The following PAGE2B variants were observed in gnomAD, a reference collection of about 807,000 sequenced individuals.
PAGE2B encodes the protein PAGE family member 2B, also known as putative G antigen family E member 3.
In PAGE2B, 5 loss-of-function variants were observed where a neutral mutation model predicts 7.6. The observed-to-expected ratio is 0.66, with a 90% CI of 0.34 to 1.38. PAGE2B has a LOEUF of 1.38. Ranked by LOEUF, PAGE2B falls within the 40% of genes most tolerant of loss-of-function variation. The pLI, the probability that PAGE2B is intolerant of heterozygous loss-of-function variation, is 0.04. For missense variants in PAGE2B, 70 were observed against 78.4 expected (o/e 0.89, Z 0.41); for synonymous variants, 29 against 26.7 (o/e 1.09, Z -0.27).
chrX:55,060,793 G>T, the PAGE2B span, among the ~76,000 whole-genome samples: 13 of 109,191 alleles, frequency 1.2e-4, no homozygotes, highest in South Asian at 3.1e-3. Flanking sequence ...TTGATCTCTG[G>T]TTTTTTTTGT....
chrX:55,057,141 CTG>C, the PAGE2B span, among the ~76,000 whole-genome samples: 1 of 110,949 alleles, frequency 9.0e-6, no homozygotes, highest in Non-Finnish European at 1.9e-5. Flanking sequence ...GAGAAATAGA[CTG>C]TGGTGGGAAA....
chrX:55,065,412 C>A, the PAGE2B span, among the ~76,000 whole-genome samples: 1 of 111,625 alleles, frequency 9.0e-6, no homozygotes, highest in South Asian at 3.7e-4. Flanking sequence ...TATCTTTTCC[C>A]ATCCCATTAT....
chrX:55,049,039 C>A, the PAGE2B span, among the ~76,000 whole-genome samples: 2 of 111,688 alleles, frequency 1.8e-5, no homozygotes, highest in African/African-American at 3.3e-5. Flanking sequence ...TTGTCAAAGG[C>A]CTTTGCTGCA....
chrX:55,044,737 T>C, the PAGE2B span: 2 of 112,134 alleles, frequency 1.8e-5, no homozygotes, highest in East Asian at 5.6e-4. Context: ...CTACAATGAC[T>C]TCTGTCATGA....
the PAGE2B span, chrX:55,031,148 T>C: frequency 4.0e-6 from 1 of 250,730 alleles, no homozygotes; most frequent in Non-Finnish European, 7.6e-6. Flanking sequence ...CTCCCCCAGC[T>C]CTGGCTCTTC....
chrX:55,040,791 A>T, the PAGE2B span, among the ~76,000 whole-genome samples: 1 of 111,713 alleles, frequency 9.0e-6, no homozygotes, highest in South Asian at 3.7e-4. Flanking sequence ...ATATTTAAAT[A>T]TGGTAAATTT....
chrX:55,041,836 C>T, the PAGE2B span, among the ~76,000 whole-genome samples: 1 of 111,660 alleles, frequency 9.0e-6, no homozygotes, highest in Non-Finnish European at 1.9e-5. Flanking sequence ...ACAACCATGG[C>T]CCTGGAGGAG....
the PAGE2B span, among the ~76,000 whole-genome samples, chrX:55,066,196 T>C: frequency 1.8e-5 from 2 of 112,144 alleles, no homozygotes; most frequent in African/African-American, 3.2e-5. Context: ...ATTCAAGCAA[T>C]TGTCCTGCCT....
chrX:55,071,019 T>A (rs756780745), upstream of PAGE2B, among the ~76,000 whole-genome samples: 278 of 112,285 alleles, frequency 2.5e-3, 3 homozygotes, highest in Non-Finnish European at 5.3e-4. Context: ...AATTGTGGCA[T>A]TTAGCCCATT....
chrX:55,045,918 G>A, the PAGE2B span, among the ~76,000 whole-genome samples: 1 of 111,116 alleles, frequency 9.0e-6, no homozygotes, highest in Admixed American at 9.7e-5. Context: ...GGTTACTGGG[G>A]ATACAAAGAA....
chrX:55,059,196 T>C, the PAGE2B span, among the ~76,000 whole-genome samples: 1 of 111,719 alleles, frequency 9.0e-6, no homozygotes, highest in South Asian at 3.8e-4. Flanking sequence ...TCGAGGTATA[T>C]ATAGGCTTAG....
chrX:55,056,446 A>G, the PAGE2B span, among the ~76,000 whole-genome samples: 3 of 111,181 alleles, frequency 2.7e-5, no homozygotes, highest in Non-Finnish European at 5.7e-5. Context: ...TCTTGAGGCA[A>G]GCCAGATAGT....
chrX:55,033,483 G>A, the PAGE2B span, among the ~76,000 whole-genome samples: 2 of 111,567 alleles, frequency 1.8e-5, no homozygotes, highest in Non-Finnish European at 3.8e-5. Context: ...TTTTTATGAG[G>A]CAATGTAGTC....
the PAGE2B span, among the ~76,000 whole-genome samples, chrX:55,037,387 A>G: frequency 2.7e-5 from 3 of 111,469 alleles, no homozygotes; most frequent in Admixed American, 2.9e-4. Flanking sequence ...GCAATCATTA[A>G]AAAGTCAGGA....
At chrX:55,056,095 C>T in the PAGE2B span, among the ~76,000 whole-genome samples, 2 of 111,230 alleles carry the variant, frequency 1.8e-5, no homozygotes, top group African/African-American at 3.3e-5. Flanking sequence ...AGAGACACCT[C>T]GATCATTTGG....
the PAGE2B span, among the ~76,000 whole-genome samples, chrX:55,057,780 A>G: frequency 1.8e-5 from 2 of 111,915 alleles, no homozygotes; most frequent in Non-Finnish European, 3.8e-5. Flanking sequence ...TTTTGGGTCC[A>G]GTATCAAAGA....
chrX:55,076,054 G>T lies in PAGE2B; in HGVS notation c.13G>T (p.Val5Leu). The T allele has an allele frequency of 1.3e-5, 16 of 1,209,382 alleles. No homozygotes were observed. Among genetic ancestry groups the T allele is most frequent in the Non-Finnish European group, 1.8e-5 (16 of 893,671 alleles). ...TTCAGTGGGAAATATGAGTGAGCATGTGAGAACAAGATCCCAATCCTCAGA... is the reference window on the plus strand; with the variant it reads ...TTCAGTGGGAAATATGAGTGAGCATTTGAGAACAAGATCCCAATCCTCAGA... Reference protein sequence around the residue: MSEHVRTRSQSSERG... With the variant: MSEHLRTRSQSSERG... The change falls in exon 2 of 5, where the codon GTG becomes TTG. Residue 5 changes from valine (V) to leucine (L), a missense_variant. Val to Leu is a conservative substitution (Grantham distance 32). Coordinates refer to ENST00000374971, the MANE Select transcript of PAGE2B (RefSeq NM_001015038.3).
the PAGE2B span, among the ~76,000 whole-genome samples, chrX:55,059,731 T>A: frequency 9.0e-6 from 1 of 111,504 alleles, no homozygotes; most frequent in Non-Finnish European, 1.9e-5. Flanking sequence ...TTCTCCTTCC[T>A]AACTGAAACT....
chrX:55,058,826 A>G, the PAGE2B span, among the ~76,000 whole-genome samples: 1 of 111,059 alleles, frequency 9.0e-6, no homozygotes, highest in African/African-American at 3.3e-5. Context: ...ACCGGAGAAC[A>G]GTCTGGAGTG....
Sources: allele counts gnomAD v4.1 joint callset (sites outside exome capture counted in the v4.1 genomes callset), GRCh38; gene constraint gnomAD v4.1.1; transcripts MANE v1.5; gene names NCBI Gene and HGNC (gene_info 2026-07-23, HGNC 2026-07-21).